LIMCH1: variants seen among roughly 807,000 people sequenced by gnomAD.
LIMCH1 encodes the protein LIM and calponin homology domains 1.
In LIMCH1, 113 loss-of-function variants were observed where a neutral mutation model predicts 176.5. The ratio of observed to expected loss-of-function variants is 0.64; its 90% CI spans 0.55 to 0.75. LIMCH1 has a LOEUF of 0.75. Among genes scored for constraint, LIMCH1 ranks in the 30% least tolerant of loss-of-function variants. The probability of loss-of-function intolerance (pLI) is 0.00; values close to 1 mark genes in which losing one functional copy is unlikely to be tolerated. For synonymous variants in LIMCH1, 619 were observed against 645.9 expected, an observed-to-expected ratio of 0.96 and a Z score of 0.63; for missense variants, 1,674 against 1,814.9, an observed-to-expected ratio of 0.92 and a Z score of 1.41.
chr4:41,383,928 A>G (rs551504896), intron 1 of LIMCH1, among the ~76,000 whole-genome samples: 14 of 152,220 alleles, frequency 9.2e-5, no homozygotes, highest in Non-Finnish European at 1.9e-4. Context: ...AAGTGGGAGA[A>G]CTCCTAGTTG....
rs2063264076 is a variant in LIMCH1 at position 41,446,132 on chromosome 4, G to A, written c.97-48404G>A. On this transcript the variant is annotated intron_variant, in intron 1 of 26. Coordinates refer to the LIMCH1 transcript ENST00000313860. ...TATTTTCAAAACTGAAGATGAGGAG[G>A]ATGATTGTCAACTGCAGGTTCAATT... Among the ~76,000 whole-genome samples, 3 of 152,128 alleles carry A rather than the reference G, an allele frequency of 2.0e-5. No homozygotes were observed. In the South Asian group the frequency reaches 6.2e-4, roughly 32 times the overall value.
At chr4:41,548,252 G>C (rs1222695926) in intron 1 of LIMCH1, among the ~76,000 whole-genome samples, 1 of 152,030 alleles carries the variant, frequency 6.6e-6, no homozygotes, top group East Asian at 1.9e-4. Flanking sequence ...GTCAGTTTGA[G>C]CCAGTGATTT....
At chr4:41,695,917 G>GA (rs375960249) in intron 31 of LIMCH1, among the ~76,000 whole-genome samples, 402 of 150,086 alleles carry the variant, frequency 2.7e-3, no homozygotes, top group African/African-American at 7.0e-3. Context: ...GTCAGAATGG[G>GA]AAAAAAAAAG....
chr4:41,437,150 T>C (rs140629019), intron 1 of LIMCH1, among the ~76,000 whole-genome samples: 1 of 152,310 alleles, frequency 6.6e-6, no homozygotes, highest in African/African-American at 2.4e-5. Flanking sequence ...ATGAAAAATA[T>C]CTTTGCATGT....
rs917589166 is a variant in LIMCH1 at position 41,633,065 on chromosome 4, A to G, written c.1809A>G (p.Ser603=). The change falls in exon 12 of 32, where the codon TCA becomes TCG. Residue 603 remains serine (S), a synonymous_variant. Coordinates refer to ENST00000503057, the MANE Select transcript of LIMCH1 (RefSeq NM_001330672.2). The stretch of plus-strand genomic sequence containing the variant: ...AGAGGCTGTCAAAGGCAGAAAGATC[A>G]GAGGACAGCAGCCAGCCACTGTGAG... ...DSERLSKAER[S]EDSSQPLVCP... 35 of 1,535,270 alleles carry G rather than the reference A, an allele frequency of 2.3e-5. No homozygotes were observed. Among genetic ancestry groups the G allele is most frequent in the Non-Finnish European group, 3.1e-5 (35 of 1,146,678 alleles).
At chr4:41,421,920 T>C (rs1004578378) in intron 1 of LIMCH1, among the ~76,000 whole-genome samples, 10 of 151,996 alleles carry the variant, frequency 6.6e-5, no homozygotes, top group Non-Finnish European at 1.3e-4. Context: ...TCGTCTCTAC[T>C]AAAAATACAG....
At chr4:41,684,865 A>T (rs1179262169) in intron 27 of LIMCH1, among the ~76,000 whole-genome samples, 4 of 152,154 alleles carry the variant, frequency 2.6e-5, no homozygotes, top group African/African-American at 9.7e-5. Context: ...GAGGAGTGGA[A>T]TCCCCAAAGC....
At chr4:41,611,586 T>G (rs980408603) in intron 4 of LIMCH1, among the ~76,000 whole-genome samples, 1 of 152,216 alleles carries the variant, frequency 6.6e-6, no homozygotes, top group African/African-American at 2.4e-5. Context: ...GAATCACAGC[T>G]TTGCCACTAA....
intron 1 of LIMCH1, among the ~76,000 whole-genome samples, chr4:41,426,736 C>T (rs571732603): frequency 6.6e-6 from 1 of 152,214 alleles, no homozygotes; most frequent in Non-Finnish European, 1.5e-5. Flanking sequence ...CACCCATTCC[C>T]GAGTGTGTTT....
In LIMCH1 at chr4:41,420,620, C is replaced by CA. The variant is rs540661132; in HGVS notation, c.96+59684_96+59685insA. ...AACCACGCCTTAGGTTGACTTAACC[C>CA]GATTCCTCCTCCCCAAGGAGGTGAG... On this transcript the variant is annotated intron_variant, in intron 1 of 26. Coordinates refer to the LIMCH1 transcript ENST00000313860. Among the ~76,000 whole-genome samples, 892 of 152,294 alleles carry CA rather than the reference C, an allele frequency of 5.9e-3. 3 individuals carry two copies. The highest frequency in any genetic ancestry group is 9.5e-3 in the Non-Finnish European group (644 of 68,018).
intron 1 of LIMCH1, among the ~76,000 whole-genome samples, chr4:41,578,344 C>G (rs1400439454): frequency 1.3e-5 from 2 of 152,122 alleles, no homozygotes; most frequent in African/African-American, 2.4e-5. Context: ...GAAACTGCCC[C>G]CATGAGCCGA....
At chr4:41,641,257 G>A (rs747900437) in intron 14 of LIMCH1, among the ~76,000 whole-genome samples, 2 of 152,146 alleles carry the variant, frequency 1.3e-5, no homozygotes, top group Non-Finnish European at 2.9e-5. Context: ...TCCCATATCC[G>A]CCAACCCCCA....
chr4:41,499,246 T>C (rs544849225), intron 2 of LIMCH1, among the ~76,000 whole-genome samples: 1 of 152,244 alleles, frequency 6.6e-6, no homozygotes, highest in Non-Finnish European at 1.5e-5. Flanking sequence ...AATATCCATA[T>C]ACCCTGCACC....
intron 1 of LIMCH1, among the ~76,000 whole-genome samples, chr4:41,420,772 C>A (rs1474368999): frequency 1.3e-5 from 2 of 152,212 alleles, no homozygotes; most frequent in Admixed American, 1.3e-4. Context: ...GAAGAGATGG[C>A]TTTGGCCTGG....
chr4:41,526,932 A>T (rs546593170), intron 3 of LIMCH1, among the ~76,000 whole-genome samples: 46 of 152,270 alleles, frequency 3.0e-4, no homozygotes, highest in Non-Finnish European at 5.6e-4. Context: ...ATAATAGTTG[A>T]CTCACAGTTC....
intron 19 of LIMCH1, 63 bp downstream of exon 19, chr4:41,661,573 A>ATT (rs1417045621): frequency 1.7e-6 from 2 of 1,194,492 alleles, no homozygotes; most frequent in Non-Finnish European, 2.5e-6. Flanking sequence ...TGTAATGGAA[A>ATT]TAGTCAAGAA....
chr4:41,460,116 C>CA (rs1414728096), intron 1 of LIMCH1, among the ~76,000 whole-genome samples: 3 of 152,084 alleles, frequency 2.0e-5, no homozygotes, highest in Non-Finnish European at 4.4e-5. Flanking sequence ...TTAGAGTCAA[C>CA]AGACAGAGGA....
intron 1 of LIMCH1, among the ~76,000 whole-genome samples, chr4:41,594,412 T>C (rs1156405110): frequency 6.6e-6 from 1 of 152,228 alleles, no homozygotes; most frequent in African/African-American, 2.4e-5. Context: ...TGAGACACTT[T>C]TAGTGTTTGG....
intron 2 of LIMCH1, among the ~76,000 whole-genome samples, chr4:41,513,310 T>C (rs758642649): frequency 1.3e-5 from 2 of 152,200 alleles, no homozygotes; most frequent in African/African-American, 2.4e-5. Context: ...TGCTGTTTGA[T>C]GATTTTCCTG....
Sources: allele counts gnomAD v4.1 joint callset (sites outside exome capture counted in the v4.1 genomes callset), GRCh38; gene constraint gnomAD v4.1.1; transcripts MANE v1.5; gene names NCBI Gene and HGNC (gene_info 2026-07-23, HGNC 2026-07-21).